The following YY1AP1 variants were observed in gnomAD, a reference collection of about 807,000 sequenced individuals.
YY1AP1 encodes YY1 associated protein 1, also known as YY1-associated protein 1.
Under a neutral mutation model 39.9 loss-of-function variants are expected in YY1AP1, and 43 were observed. The observed-to-expected ratio is 1.08, with a 90% CI of 0.84 to 1.39. YY1AP1 has a LOEUF of 1.39. YY1AP1 is among the 40% of genes most tolerant of loss of function. YY1AP1 has a pLI of 0.00. For missense variants in YY1AP1, 813 were observed against 900.7 expected, an observed-to-expected ratio of 0.90 and a Z score of 1.25; for synonymous variants, 292 against 331.3, an observed-to-expected ratio of 0.88 and a Z score of 1.29.
In YY1AP1 at chr1:155,660,704, C is replaced by G; in HGVS notation, c.1206G>C (p.Lys402Asn). ...CTGATGAACGCTTCTGTCTCCAAGC[C>G]TTCTTGGGGAAACGGTCGGCAACTG... ...LKPVADRFPK[K>N]AWRQKRSSVL... The change falls in exon 11 of 11, where the codon AAG (lysine) becomes AAC (asparagine). Residue 402 changes from lysine (K) to asparagine (N), a missense_variant. Coordinates refer to ENST00000355499, the MANE Select transcript of YY1AP1 (RefSeq NM_139119.3). 2 of 1,614,152 alleles carry G rather than the reference C, an allele frequency of 1.2e-6. No homozygotes were observed. The highest frequency in any genetic ancestry group is 1.7e-6 in the Non-Finnish European group (2 of 1,180,024).
intron 4 of YY1AP1, among the ~76,000 whole-genome samples, chr1:155,677,984 A>G (rs1490005867): frequency 1.3e-5 from 2 of 152,238 alleles, no homozygotes; most frequent in Non-Finnish European, 2.9e-5. Context: ...TCAAAGATTA[A>G]AACAAAAACA....
chr1:155,688,322 C>T, intron 1 of YY1AP1, 121 bp from the exon 2 acceptor site: 2 of 1,548,426 alleles, frequency 1.3e-6, no homozygotes, highest in Admixed American at 2.0e-5. Flanking sequence ...CCCAAAATGG[C>T]GGCGGCAGCG....
intron 2 of YY1AP1, among the ~76,000 whole-genome samples, chr1:155,683,856 G>A (rs767373601): frequency 2.6e-5 from 4 of 152,124 alleles, no homozygotes; most frequent in Non-Finnish European, 5.9e-5. Context: ...GGTAAAAAGA[G>A]CTGGGCATGC....
At chr1:155,663,822 G>A (rs1382499743) in intron 9 of YY1AP1, among the ~76,000 whole-genome samples, 3 of 152,066 alleles carry the variant, frequency 2.0e-5, no homozygotes, top group Non-Finnish European at 4.4e-5. Flanking sequence ...TCAAAATATT[G>A]AAGCCAAAGG....
rs1372135039 is a variant in YY1AP1, at chr1:155,688,072, G to A, written c.-22C>T. 2.5e-6 allele frequency: 4 copies of A among 1,579,936 alleles called. No individual in the cohort carries two copies. Among genetic ancestry groups the A allele is most frequent in the Non-Finnish European group, 3.5e-6 (4 of 1,159,386 alleles). ...GCCGGCCCAAATCGTTCTACTCACC[G>A]TGTCGGAGGCCGAGAGCGATGAGAG... is the stretch of plus-strand genomic sequence containing the variant. On this transcript the variant is annotated splice_region_variant and 5_prime_UTR_variant, in exon 2 of 11. The change creates a new upstream start codon in the 5' untranslated region. Coordinates refer to ENST00000355499, the MANE Select transcript of YY1AP1 (RefSeq NM_139119.3).
chr1:155,688,830 C>A (rs984822275), upstream of YY1AP1: 10 of 1,576,412 alleles, frequency 6.3e-6, no homozygotes, highest in Admixed American at 5.6e-5. Flanking sequence ...CCATTCCTGG[C>A]GGCTGCAGGG....
rs1647963293 is a variant in YY1AP1, at chr1:155,660,770, G to C, written c.1140C>G (p.Tyr380Ter). ...CTACACCCTTAGGCAATAGCAGTGG[G>C]TACCGAGTTTCACTCCCCAACTCTG... Reference protein sequence around the residue: ...DNSELGSETRYPLLLPKGVVL... With the variant: ...DNSELGSETR The change falls in exon 11 of 11, where the codon TAC becomes TAG. Residue 380 changes from tyrosine to a stop codon, truncating the protein, a stop_gained. Transcript: ENST00000355499. LOFTEE classifies it low-confidence loss of function (END_TRUNC). 6.2e-7 allele frequency: 1 copy of C among 1,614,074 alleles called. No individual in the cohort carries two copies. The highest frequency in any genetic ancestry group is 1.7e-5 in the Admixed American group (1 of 60,014).
chr1:155,659,523 G>A lies in YY1AP1; in HGVS notation c.*134C>T. The A allele has an allele frequency of 1.2e-6, 1 of 844,916 alleles. No individual in the cohort carries two copies. Among genetic ancestry groups the A allele is most frequent in the Non-Finnish European group, 1.9e-6 (1 of 531,382 alleles). 52.3% of individuals were successfully genotyped at this position (844,916 alleles called of 1,614,324 possible). A position where few individuals can be genotyped will look rare whatever the true frequency, so the allele number is the denominator to read the frequency against. On this transcript the variant is annotated 3_prime_UTR_variant, in exon 11 of 11. Transcript: ENST00000355499. ...ACAGAGTGGGAGCAGGCTAAAGCAA[G>A]CTGCTCAAGAGCCCCAGTTGCAAAA...
chr1:155,684,202 T>G (rs1024284215), intron 2 of YY1AP1, among the ~76,000 whole-genome samples: 2 of 152,120 alleles, frequency 1.3e-5, no homozygotes, highest in Non-Finnish European at 2.9e-5. Context: ...GAGGCAAGAT[T>G]GTGCCATTGT....
intron 2 of YY1AP1, among the ~76,000 whole-genome samples, chr1:155,682,456 T>C (rs1651658129): frequency 6.6e-6 from 1 of 152,152 alleles, no homozygotes; most frequent in Admixed American, 6.5e-5. Context: ...ATACTCTACA[T>C]GTCAGAGTTT....
At chr1:155,668,908 G>C (rs1226725014) in intron 8 of YY1AP1, 131 bp from the exon 9 acceptor site, 2 of 1,367,136 alleles carry the variant, frequency 1.5e-6, no homozygotes, top group Non-Finnish European at 2.0e-6. Flanking sequence ...CTGTCACCTG[G>C]GCTGGAGTGC....
chr1:155,673,629 A>C (rs1246242121), intron 6 of YY1AP1, among the ~76,000 whole-genome samples: 1 of 151,716 alleles, frequency 6.6e-6, no homozygotes, highest in Non-Finnish European at 1.5e-5. Flanking sequence ...CTACAGTCTC[A>C]ACGTCCCAGG....
At chr1:155,667,945 C>A (rs559868832) in intron 9 of YY1AP1, among the ~76,000 whole-genome samples, 23 of 149,558 alleles carry the variant, frequency 1.5e-4, no homozygotes, top group African/African-American at 5.3e-4. Flanking sequence ...CAGACACAGA[C>A]ACACACAAAC....
chr1:155,661,909 G>A (rs1386596410), intron 9 of YY1AP1, among the ~76,000 whole-genome samples: 2 of 152,112 alleles, frequency 1.3e-5, no homozygotes, highest in African/African-American at 2.4e-5. Context: ...ACCCGCCTCG[G>A]CCTCCCAAAG....
At chr1:155,688,834 T>G, upstream of YY1AP1, 2 of 1,582,236 alleles carry the variant, frequency 1.3e-6, no homozygotes, top group South Asian at 1.1e-5. Context: ...TCCTGGCGGC[T>G]GCAGGGGCAG....
chr1:155,676,704 C>A lies in YY1AP1; in HGVS notation c.168G>T (p.Gln56His). ...LLANLLNEQH[Q>H]IAKELFEQLK... ...GCTGTTCAAATAGTTCCTTCGCTAT[C>A]TGATGTTGTTCATTTAGTAGGTTGG... The change falls in exon 5 of 11, where the codon CAG becomes CAT. Residue 56 changes from glutamine (Q) to histidine (H), a missense_variant. Around this residue, in one of 3 missense-constraint regions of YY1AP1, gnomAD observed 196 missense variants for 189.7 expected, o/e 1.03. Transcript: ENST00000355499. 1 of 1,614,170 alleles carries A rather than the reference C, an allele frequency of 6.2e-7. No individual in the cohort carries two copies. The highest frequency in any genetic ancestry group is 8.5e-7 in the Non-Finnish European group (1 of 1,180,026).
rs757070737 is a variant in YY1AP1 at position 155,660,346 on chromosome 1, G to C, written c.1564C>G (p.Arg522Gly). ...MMPSPASSMF[R>G]KPYVRRRPSK... ...GGTCTCCGTCTCACATATGGCTTTC[G>C]AAACATGGAAGAGGCAGGGGAGGGC... The change falls in exon 11 of 11, where the codon CGA becomes GGA. Residue 522 changes from arginine (R) to glycine (G), a missense_variant. Arg to Gly is a moderately radical substitution (Grantham distance 125). This residue lies in a region of YY1AP1 where 586 missense variants were observed against 647.4 expected (regional missense o/e 0.91). Coordinates refer to ENST00000355499, the MANE Select transcript of YY1AP1 (RefSeq NM_139119.3). 1 of 1,614,142 alleles carries C rather than the reference G, an allele frequency of 6.2e-7. No homozygotes were observed. The highest frequency in any genetic ancestry group is 8.5e-7 in the Non-Finnish European group (1 of 1,180,022).
chr1:155,663,230 G>C (rs1458145825), intron 9 of YY1AP1, among the ~76,000 whole-genome samples: 1 of 151,892 alleles, frequency 6.6e-6, no homozygotes, highest in Non-Finnish European at 1.5e-5. Context: ...AATTAGCTAA[G>C]TGTGGTGGCG....
chr1:155,675,248 C>A, intron 5 of YY1AP1, 152 bp from the exon 6 acceptor site: 1 of 588,922 alleles, frequency 1.7e-6, no homozygotes, highest in Non-Finnish European at 2.9e-6. Flanking sequence ...GCCCTCTCAA[C>A]CACCTGTGCT....
Sources: allele counts gnomAD v4.1 joint callset (sites outside exome capture counted in the v4.1 genomes callset), GRCh38; gene constraint gnomAD v4.1.1; regional missense constraint gnomAD v4.1.1; transcripts MANE v1.5; gene names NCBI Gene and HGNC (gene_info 2026-07-23, HGNC 2026-07-21).